Variants in GRID1 observed in about 807,000 individuals in gnomAD.
The protein encoded by GRID1 is glutamate receptor ionotropic, delta-1.
Under a neutral mutation model 98.0 loss-of-function variants are expected in GRID1, and 28 were observed. That is an observed-to-expected ratio of 0.29 (90% confidence interval 0.21 to 0.39). The LOEUF is 0.39. GRID1 is among the 10% of genes least tolerant of loss of function. The pLI is 1.00. For missense variants in GRID1, 1,111 were observed against 1,340.5 expected (o/e 0.83, Z 2.67); for synonymous variants, 553 against 538.5 (o/e 1.03, Z -0.37).
intron 8 of GRID1, among the ~76,000 whole-genome samples, chr10:85,843,255 T>C (rs1248908685): frequency 6.6e-6 from 1 of 151,954 alleles, no homozygotes; most frequent in African/African-American, 2.4e-5. Context: ...AAAAATGAAC[T>C]TCAACCTAAA....
chr10:85,649,268 G>A (rs530585836), intron 12 of GRID1, among the ~76,000 whole-genome samples: 4 of 152,328 alleles, frequency 2.6e-5, no homozygotes, highest in East Asian at 1.9e-4. Context: ...ACATGCCACA[G>A]CACTCCTTAG....
chr10:85,947,550 C>T (rs1038278400), intron 4 of GRID1, among the ~76,000 whole-genome samples: 4 of 152,174 alleles, frequency 2.6e-5, no homozygotes, highest in Admixed American at 2.0e-4. Flanking sequence ...ACTGTGGTCA[C>T]CACAGACCCA....
intron 5 of GRID1, among the ~76,000 whole-genome samples, chr10:85,889,420 T>C (rs1184848747): frequency 6.6e-6 from 1 of 152,222 alleles, no homozygotes; most frequent in Non-Finnish European, 1.5e-5. Flanking sequence ...TCCACTTGAG[T>C]GAGATTATGC....
intron 4 of GRID1, among the ~76,000 whole-genome samples, chr10:86,122,790 G>T (rs986241633): frequency 6.6e-6 from 1 of 152,240 alleles, no homozygotes; most frequent in Admixed American, 6.5e-5. Context: ...GACCACAGCT[G>T]CTACCTCTGA....
chr10:85,718,201 A>G (rs1841661521), intron 12 of GRID1, among the ~76,000 whole-genome samples: 1 of 151,896 alleles, frequency 6.6e-6, no homozygotes, highest in Non-Finnish European at 1.5e-5. Context: ...CTGTGTAGGG[A>G]CTCCACATGA....
At chr10:85,996,108 A>G (rs1421261100) in intron 4 of GRID1, among the ~76,000 whole-genome samples, 2 of 152,202 alleles carry the variant, frequency 1.3e-5, no homozygotes, top group South Asian at 2.1e-4. Flanking sequence ...TGCTAAAACA[A>G]AAATATCAAC....
chr10:86,134,227 G>C (rs3935651), intron 4 of GRID1, among the ~76,000 whole-genome samples: 7,226 of 152,322 alleles, frequency 0.047, 240 homozygotes, highest in Admixed American at 0.11. Flanking sequence ...CAGTCTTGGA[G>C]AGGAGGAGGC....
intron 3 of GRID1, among the ~76,000 whole-genome samples, chr10:86,183,268 T>C (rs1037324155): frequency 3.3e-5 from 5 of 152,182 alleles, no homozygotes; most frequent in Non-Finnish European, 7.3e-5. Context: ...AATTCATCCA[T>C]GTTGTTGCTT....
intron 2 of GRID1, among the ~76,000 whole-genome samples, chr10:86,284,219 C>A (rs1232414738): frequency 6.6e-6 from 1 of 152,024 alleles, no homozygotes; most frequent in East Asian, 1.9e-4. Flanking sequence ...TGCATATATA[C>A]ACCTGTCTTC....
At chr10:85,710,247 C>T (rs932931565) in intron 12 of GRID1, among the ~76,000 whole-genome samples, 2 of 152,032 alleles carry the variant, frequency 1.3e-5, no homozygotes, top group Non-Finnish European at 2.9e-5. Flanking sequence ...TAATAAAAAA[C>T]AATGTAGTAT....
chr10:85,860,159 T>C (rs1354737658), intron 6 of GRID1, among the ~76,000 whole-genome samples: 1 of 152,160 alleles, frequency 6.6e-6, no homozygotes, highest in Non-Finnish European at 1.5e-5. Context: ...GAGAAGTCCT[T>C]GCCTCCCTCC....
chr10:86,149,891 G>A (rs1845139132), intron 3 of GRID1, among the ~76,000 whole-genome samples: 1 of 152,152 alleles, frequency 6.6e-6, no homozygotes, highest in Admixed American at 6.5e-5. Flanking sequence ...TAATCTGGCA[G>A]GTCCCTTGTT....
At chr10:85,912,739 G>A (rs892896473) in intron 5 of GRID1, among the ~76,000 whole-genome samples, 1 of 152,234 alleles carries the variant, frequency 6.6e-6, no homozygotes, top group African/African-American at 2.4e-5. Flanking sequence ...AGGACCCAGT[G>A]AAGCAGCTGA....
chr10:86,342,420 C>T (rs1200730941), intron 2 of GRID1, among the ~76,000 whole-genome samples: 2 of 152,200 alleles, frequency 1.3e-5, no homozygotes, highest in African/African-American at 2.4e-5. Context: ...AGCTCCTTTC[C>T]CAGTACACAC....
chr10:86,156,589 G>A (rs753551501), intron 3 of GRID1, among the ~76,000 whole-genome samples: 1 of 152,172 alleles, frequency 6.6e-6, no homozygotes, highest in African/African-American at 2.4e-5. Context: ...AGGCTCAGAT[G>A]GCCCTGGCAC....
intron 3 of GRID1, among the ~76,000 whole-genome samples, chr10:86,189,322 G>A (rs1053329264): frequency 6.6e-6 from 1 of 151,946 alleles, no homozygotes; most frequent in African/African-American, 2.4e-5. Context: ...GGCCTAACTA[G>A]TCGGCTTCCA....
intron 4 of GRID1, among the ~76,000 whole-genome samples, chr10:85,960,616 G>A (rs751286561): frequency 3.3e-5 from 5 of 152,188 alleles, no homozygotes; most frequent in Non-Finnish European, 4.4e-5. Flanking sequence ...CTCAAGGGCC[G>A]GACCTCGCCC....
intron 12 of GRID1, among the ~76,000 whole-genome samples, chr10:85,652,504 T>A (rs905653726): frequency 1.8e-4 from 27 of 151,980 alleles, no homozygotes; most frequent in African/African-American, 6.5e-4. Flanking sequence ...TGTGGTGGAG[T>A]GGCTCAAAAG....
intron 4 of GRID1, among the ~76,000 whole-genome samples, chr10:86,054,610 A>G (rs1429519214): frequency 6.6e-6 from 1 of 152,210 alleles, no homozygotes; most frequent in Non-Finnish European, 1.5e-5. Context: ...CTGGCTGCAT[A>G]AAGTGGCTGA....
Sources: gnomAD v4.1 joint callset for allele counts (sites outside exome capture counted in the v4.1 genomes callset) on GRCh38, gnomAD v4.1.1 for gene constraint, MANE v1.5 for transcripts, NCBI Gene and HGNC (gene_info 2026-07-23, HGNC 2026-07-21) for gene names.